CACNA2D3: variants seen among roughly 807,000 people sequenced by gnomAD.
The protein encoded by CACNA2D3 is voltage-dependent calcium channel subunit alpha-2/delta-3.
CACNA2D3 carries 60 observed loss-of-function variants against 160.6 expected under a neutral mutation model. The ratio of observed to expected loss-of-function variants is 0.37; its 90% CI spans 0.30 to 0.46. The LOEUF (loss-of-function observed/expected upper bound fraction) is 0.46. CACNA2D3 is among the 20% of genes least tolerant of loss of function. The probability of loss-of-function intolerance (pLI) is 1.00; values close to 1 mark genes in which losing one functional copy is unlikely to be tolerated. For missense variants in CACNA2D3, 1,205 were observed against 1,365.0 expected, an observed-to-expected ratio of 0.88 and a Z score of 1.85; for synonymous variants, 558 against 492.9, an observed-to-expected ratio of 1.13 and a Z score of -1.75.
intron 3 of CACNA2D3, among the ~76,000 whole-genome samples, chr3:54,342,002 G>A (rs1490153927): frequency 1.3e-5 from 2 of 152,154 alleles, no homozygotes; most frequent in East Asian, 3.8e-4. Flanking sequence ...AGGAGTAGAT[G>A]TTGCTATCTC....
In CACNA2D3 at chr3:54,969,839, G is replaced by T; in HGVS notation, c.2551G>T (p.Asp851Tyr). 1.2e-6 allele frequency: 2 copies of T among 1,613,376 alleles called. No individual in the cohort carries two copies. Among genetic ancestry groups the T allele is most frequent in the Non-Finnish European group, 1.7e-6 (2 of 1,179,582 alleles). The change falls in exon 29 of 38, where the codon GAT (aspartate) becomes TAT (tyrosine). Residue 851 changes from aspartate (D) to tyrosine (Y), a missense_variant. By Grantham distance (160) the Asp-to-Tyr change is radical. Coordinates refer to ENST00000474759, the MANE Select transcript of CACNA2D3 (RefSeq NM_018398.3). The stretch of plus-strand genomic sequence containing the variant: ...TGGCAAATGCTCCATCAGCTGTGAT[G>T]ATGAGGTAAGACGGCCTCCTGGTCC... ...LDGKCSISCD[D>Y]ETVNCYLIDN... is the part of the protein sequence containing the mutation.
At chr3:54,419,512 G>C (rs899404053) in intron 4 of CACNA2D3, among the ~76,000 whole-genome samples, 5 of 152,106 alleles carry the variant, frequency 3.3e-5, no homozygotes, top group Non-Finnish European at 5.9e-5. Context: ...GGCCTTGAAG[G>C]ATATCCCTCT....
chr3:54,337,771 C>T (rs975041601), intron 3 of CACNA2D3, among the ~76,000 whole-genome samples: 10 of 152,350 alleles, frequency 6.6e-5, no homozygotes, highest in African/African-American at 2.4e-4. Flanking sequence ...ACCCTCCTTT[C>T]TTCCAATAGG....
At chr3:54,827,193 T>C (rs1391442712) in intron 14 of CACNA2D3, among the ~76,000 whole-genome samples, 1 of 152,280 alleles carries the variant, frequency 6.6e-6, no homozygotes, top group Non-Finnish European at 1.5e-5. Context: ...TGCTGTTTTC[T>C]GTACCTGAAG....
chr3:54,980,176 C>CCTTA (rs1702475455), intron 29 of CACNA2D3, among the ~76,000 whole-genome samples: 1 of 152,122 alleles, frequency 6.6e-6, no homozygotes, highest in African/African-American at 2.4e-5. Context: ...CTTAATAAAA[C>CCTTA]CTTATAGACA....
At chr3:54,187,085 G>C (rs1394491298) in intron 2 of CACNA2D3, among the ~76,000 whole-genome samples, 2 of 152,156 alleles carry the variant, frequency 1.3e-5, no homozygotes, top group South Asian at 2.1e-4. Flanking sequence ...GCTGTCCCTG[G>C]GAGTGCTGTA....
At chr3:54,819,220 G>C (rs1487890195) in intron 14 of CACNA2D3, among the ~76,000 whole-genome samples, 2 of 152,062 alleles carry the variant, frequency 1.3e-5, no homozygotes, top group African/African-American at 4.8e-5. Flanking sequence ...TGTTACCATG[G>C]GTAAGTTACT....
intron 2 of CACNA2D3, among the ~76,000 whole-genome samples, chr3:54,251,357 CT>C (rs1702186900): frequency 6.6e-6 from 1 of 152,112 alleles, no homozygotes; most frequent in African/African-American, 2.4e-5. Flanking sequence ...ATCTCTAACT[CT>C]TTTATTAAAG....
intron 2 of CACNA2D3, among the ~76,000 whole-genome samples, chr3:54,304,722 C>T (rs1016910934): frequency 2.6e-5 from 4 of 152,128 alleles, no homozygotes; most frequent in East Asian, 1.9e-4. Flanking sequence ...CATGGGCTAT[C>T]GAATGAGCCT....
chr3:55,021,819 A>G (rs1320046123), intron 35 of CACNA2D3, among the ~76,000 whole-genome samples: 1 of 151,454 alleles, frequency 6.6e-6, no homozygotes, highest in Non-Finnish European at 1.5e-5. Context: ...AAAATGTCCA[A>G]ATATATGGGA....
At chr3:55,063,738 A>G (rs1177713742) in intron 35 of CACNA2D3, among the ~76,000 whole-genome samples, 1 of 152,106 alleles carries the variant, frequency 6.6e-6, no homozygotes, top group Non-Finnish European at 1.5e-5. Flanking sequence ...GGTAGATGAC[A>G]GGGGCTGTGG....
chr3:54,611,041 G>A (rs545481297), intron 9 of CACNA2D3, among the ~76,000 whole-genome samples: 1 of 152,172 alleles, frequency 6.6e-6, no homozygotes, highest in African/African-American at 2.4e-5. Context: ...TCTTATCCCA[G>A]AATCCAGGAA....
chr3:54,733,857 G>T (rs916105935), intron 11 of CACNA2D3, among the ~76,000 whole-genome samples: 1 of 151,998 alleles, frequency 6.6e-6, no homozygotes, highest in African/African-American at 2.4e-5. Context: ...AGATGATGTC[G>T]ATTTAATTTC....
At chr3:54,789,444 AT>A (rs1371155174) in intron 13 of CACNA2D3, among the ~76,000 whole-genome samples, 7 of 152,194 alleles carry the variant, frequency 4.6e-5, no homozygotes, top group African/African-American at 1.7e-4. Context: ...CCAAGTGGAG[AT>A]TCCTGACACC....
chr3:54,194,433 A>G (rs577854325), intron 2 of CACNA2D3, among the ~76,000 whole-genome samples: 34 of 152,286 alleles, frequency 2.2e-4, no homozygotes, highest in African/African-American at 7.9e-4. Flanking sequence ...CATAATGGCC[A>G]AAGTCAGAAA....
chr3:54,236,719 G>T (rs557643311), intron 2 of CACNA2D3, among the ~76,000 whole-genome samples: 1 of 152,184 alleles, frequency 6.6e-6, no homozygotes, highest in Admixed American at 6.5e-5. Context: ...TGTTCCAAGG[G>T]GGCCAAACTA....
chr3:54,688,356 T>C (rs1248877812), intron 11 of CACNA2D3, among the ~76,000 whole-genome samples: 1 of 152,208 alleles, frequency 6.6e-6, no homozygotes, highest in Non-Finnish European at 1.5e-5. Flanking sequence ...ACTCATTTTT[T>C]ATTTGTTACC....
In CACNA2D3 at chr3:54,731,141, G is replaced by C. The variant is rs535084052; in HGVS notation, c.1168-21458G>C. On this transcript the variant is annotated intron_variant, in intron 11 of 37. Transcript: ENST00000474759. ...TAAATCCATCTTGTGATTTTATGTAGTTATAGGTCGAAATGATTGTATATA... is the reference window on the plus strand; with the variant it reads ...TAAATCCATCTTGTGATTTTATGTACTTATAGGTCGAAATGATTGTATATA... 2.6e-5 allele frequency among the ~76,000 whole-genome samples: 4 copies of C among 152,296 alleles called. No individual in the cohort carries two copies. The South Asian group carries it at 8.3e-4, about 32-fold the overall frequency.
chr3:55,004,369 G>T (rs1396204146), intron 31 of CACNA2D3, among the ~76,000 whole-genome samples: 1 of 152,168 alleles, frequency 6.6e-6, no homozygotes, highest in Non-Finnish European at 1.5e-5. Context: ...GTTCTTCTTA[G>T]TTCTCCTGTC....
Sources: gnomAD v4.1 joint callset for allele counts (sites outside exome capture counted in the v4.1 genomes callset) on GRCh38, gnomAD v4.1.1 for gene constraint, MANE v1.5 for transcripts, NCBI Gene and HGNC (gene_info 2026-07-23, HGNC 2026-07-21) for gene names.